SEMA3D: variants seen among roughly 807,000 people sequenced by gnomAD.
SEMA3D encodes semaphorin-3D.
SEMA3D carries 84 observed loss-of-function variants against 100.1 expected under a neutral mutation model. The observed-to-expected ratio is 0.84, with a 90% confidence interval of 0.70 to 1.01. The LOEUF is 1.01. SEMA3D is among the 50% of genes least tolerant of loss of function. The pLI, the probability that SEMA3D is intolerant of heterozygous loss-of-function variation, is 0.00. For missense variants in SEMA3D, 875 were observed against 934.1 expected (o/e 0.94, Z 0.82); for synonymous variants, 312 against 320.7 (o/e 0.97, Z 0.29).
chr7:85,144,576 C>T (rs1351255165), intron 2 of SEMA3D: 13 of 984,944 alleles, frequency 1.3e-5, no homozygotes, highest in South Asian at 4.7e-5. Flanking sequence ...TCAGGATTTC[C>T]GTGAGGATCT....
At chr7:85,126,022 A>G (rs10486849) in intron 2 of SEMA3D, among the ~76,000 whole-genome samples, 1,593 of 152,154 alleles carry the variant, frequency 0.01, 26 homozygotes, top group African/African-American at 0.036. Flanking sequence ...ATGTGGAGCC[A>G]ATAGGGAGTT....
At chr7:85,242,499 T>G in the SEMA3D span, among the ~76,000 whole-genome samples, 4 of 152,198 alleles carry the variant, frequency 2.6e-5, no homozygotes, top group Non-Finnish European at 5.9e-5. Context: ...CTGGCTATCT[T>G]TCTGTTATTT....
intron 1 of SEMA3D, among the ~76,000 whole-genome samples, chr7:85,176,237 T>A (rs898817213): frequency 1.3e-5 from 2 of 152,298 alleles, no homozygotes; most frequent in Non-Finnish European, 2.9e-5. Flanking sequence ...AAAACATTTT[T>A]AAATTTATTT....
intron 3 of SEMA3D, among the ~76,000 whole-genome samples, chr7:85,106,796 G>GA (rs748536882): frequency 6.6e-6 from 1 of 152,018 alleles, no homozygotes; most frequent in African/African-American, 2.4e-5. Flanking sequence ...GCAGCAGGAT[G>GA]AAAAATGAGT....
intron 2 of SEMA3D, among the ~76,000 whole-genome samples, chr7:85,128,341 T>C (rs2116424884): frequency 6.6e-6 from 1 of 151,948 alleles, no homozygotes; most frequent in African/African-American, 2.4e-5. Context: ...CTAAATTTTT[T>C]GTATTTTTTA....
At chr7:85,216,620 C>A in the SEMA3D span, among the ~76,000 whole-genome samples, 2 of 151,752 alleles carry the variant, frequency 1.3e-5, no homozygotes, top group Non-Finnish European at 2.9e-5. Context: ...TTCATTGGTG[C>A]TAATGTGCTG....
At chr7:85,196,429 A>C in the SEMA3D span, among the ~76,000 whole-genome samples, 1 of 152,184 alleles carries the variant, frequency 6.6e-6, no homozygotes, top group Non-Finnish European at 1.5e-5. Context: ...GTACACAGAA[A>C]TGTTAACCAT....
intron 2 of SEMA3D, chr7:85,144,670 C>T (rs1220629517): frequency 1.0e-6 from 1 of 985,112 alleles, no homozygotes; most frequent in African/African-American, 1.7e-5. Flanking sequence ...TTTAAGTCAG[C>T]CTGGAGCCCA....
At chr7:85,095,804 A>G (rs1788532412) in intron 4 of SEMA3D, among the ~76,000 whole-genome samples, 1 of 152,062 alleles carries the variant, frequency 6.6e-6, no homozygotes, top group African/African-American at 2.4e-5. Flanking sequence ...GTATTCAAAC[A>G]ACTTTATTTT....
intron 5 of SEMA3D, among the ~76,000 whole-genome samples, chr7:85,080,377 A>T (rs9642200): frequency 0.64 from 97,575 of 152,004 alleles, 33,865 homozygotes; most frequent in East Asian, 0.98. Flanking sequence ...TCCCCTCACA[A>T]CCTTAGGCAT....
At chr7:85,143,550 A>C (rs1158460619) in intron 2 of SEMA3D, among the ~76,000 whole-genome samples, 1 of 152,176 alleles carries the variant, frequency 6.6e-6, no homozygotes, top group Non-Finnish European at 1.5e-5. Flanking sequence ...ATCTAAACAT[A>C]GAAGAGATAC....
Position 85,110,723 on chromosome 7 carries a change from T to C in SEMA3D, c.151+11018A>G, listed in dbSNP as rs530241827. 5.9e-5 allele frequency among the ~76,000 whole-genome samples: 9 copies of C among 152,222 alleles called. No individual in the cohort carries two copies. The East Asian group carries it at 1.7e-3, about 29-fold the overall frequency. ...CCTGTATTACCAATTATTCTTCTTC[T>C]AGATTATTTCAATTAAAATACAAAT... On this transcript the variant is annotated intron_variant, in intron 3 of 18. Transcript: ENST00000284136.
At chr7:85,010,095 A>T (rs1316139046) in intron 17 of SEMA3D, among the ~76,000 whole-genome samples, 1 of 151,820 alleles carries the variant, frequency 6.6e-6, no homozygotes, top group African/African-American at 2.4e-5. Flanking sequence ...ATATAAAAAG[A>T]TGGAGCTAAG....
Position 85,172,905 on chromosome 7 carries a change from G to T in SEMA3D, c.-173+13773C>A, listed in dbSNP as rs571232460. 3.9e-5 allele frequency among the ~76,000 whole-genome samples: 6 copies of T among 152,144 alleles called. No individual in the cohort carries two copies. The East Asian group carries it at 9.7e-4, about 25-fold the overall frequency. On this transcript the variant is annotated intron_variant, in intron 1 of 18. Transcript: ENST00000284136. ...TGTTTCCCCTCACTTTCTTATGAGG[G>T]AGACTAAAATAGAATATTCTGAAAC...
chr7:85,098,017 AAGAG>A (rs956507803), intron 3 of SEMA3D, 52 bp from the exon 4 acceptor site: 3 of 992,214 alleles, frequency 3.0e-6, no homozygotes, highest in Non-Finnish European at 4.3e-6. Context: ...GAAAGAAAGA[AAGAG>A]AAAGAAAGGA....
chr7:85,186,298 C>T (rs530762866), intron 1 of SEMA3D, among the ~76,000 whole-genome samples: 4 of 152,288 alleles, frequency 2.6e-5, no homozygotes, highest in African/African-American at 9.6e-5. Context: ...CTCTCTGCTG[C>T]CCAGACCAGG....
At chr7:85,037,418 C>A (rs1416299455) in intron 11 of SEMA3D, among the ~76,000 whole-genome samples, 1 of 152,052 alleles carries the variant, frequency 6.6e-6, no homozygotes, top group South Asian at 2.1e-4. Flanking sequence ...TTTACATGTT[C>A]TTCCATTTTA....
intron 1 of SEMA3D, among the ~76,000 whole-genome samples, chr7:85,166,769 T>C (rs1249080566): frequency 1.3e-5 from 2 of 151,706 alleles, no homozygotes; most frequent in Non-Finnish European, 2.9e-5. Flanking sequence ...ATGGTGCTGA[T>C]AAAAATAAAG....
intron 9 of SEMA3D, among the ~76,000 whole-genome samples, chr7:85,052,286 A>T (rs1395636869): frequency 6.6e-6 from 1 of 151,924 alleles, no homozygotes; most frequent in African/African-American, 2.4e-5. Flanking sequence ...CTCTGCTTAA[A>T]ACATTTTATA....
Sources: gnomAD v4.1 joint callset for allele counts (sites outside exome capture counted in the v4.1 genomes callset) on GRCh38, gnomAD v4.1.1 for gene constraint, MANE v1.5 for transcripts, NCBI Gene and HGNC (gene_info 2026-07-23, HGNC 2026-07-21) for gene names.